Variants in GATAD1 observed in about 807,000 individuals in gnomAD.
GATAD1 encodes GATA zinc finger domain-containing protein 1.
Under a neutral mutation model 26.5 loss-of-function variants are expected in GATAD1, and 12 were observed. That is an observed-to-expected ratio of 0.45 (90% CI 0.29 to 0.73). The LOEUF is 0.73. Ranked by LOEUF, GATAD1 falls within the 30% of genes least tolerant of loss-of-function variation. The pLI, the probability that GATAD1 is intolerant of heterozygous loss-of-function variation, is 0.10. For missense variants in GATAD1, 266 were observed against 342.1 expected (o/e 0.78, Z 1.75); for synonymous variants, 129 against 133.1 (o/e 0.97, Z 0.21).
the GATAD1 span, chr7:92,491,505 A>G: frequency 9.6e-6 from 15 of 1,557,096 alleles, no homozygotes; most frequent in Middle Eastern, 5.0e-4. Flanking sequence ...CTTCCATCCT[A>G]AAATACACAA....
At chr7:92,492,869 T>C in the GATAD1 span, 16 of 1,044,226 alleles carry the variant, frequency 1.5e-5, no homozygotes, top group Middle Eastern at 2.0e-4. Context: ...GTTTAAAAAA[T>C]AGCATTTTTT....
chr7:92,468,539 A>G, the GATAD1 span: 1 of 394,542 alleles, frequency 2.5e-6, no homozygotes, highest in Admixed American at 4.2e-5. Flanking sequence ...ATGATTGGCT[A>G]TTTCTTTACC....
At chr7:92,492,934 A>G in the GATAD1 span, 1 of 1,595,994 alleles carries the variant, frequency 6.3e-7, no homozygotes, top group African/African-American at 1.3e-5. Flanking sequence ...TGTCATAACA[A>G]CTTCCTCATA....
At chr7:92,476,555 C>T in the GATAD1 span, among the ~76,000 whole-genome samples, 1 of 152,158 alleles carries the variant, frequency 6.6e-6, no homozygotes, top group South Asian at 2.1e-4. Context: ...GAATAGGGCA[C>T]ACTGTTTTTT....
the GATAD1 span, chr7:92,470,165 A>G: frequency 1.3e-6 from 1 of 778,706 alleles, no homozygotes; most frequent in African/African-American, 1.7e-5. Context: ...GCAGAGTGAT[A>G]GCAGTTGCGG....
At chr7:92,484,790 A>G in the GATAD1 span, among the ~76,000 whole-genome samples, 1 of 152,308 alleles carries the variant, frequency 6.6e-6, no homozygotes, top group South Asian at 2.1e-4. Flanking sequence ...GGGCAAGGAC[A>G]GGGGACTGGT....
chr7:92,469,083 T>C, the GATAD1 span: 1 of 703,062 alleles, frequency 1.4e-6, no homozygotes, highest in Non-Finnish European at 2.6e-6. Flanking sequence ...GTCCAGTGTT[T>C]CGAAGCTCCT....
chr7:92,493,242 T>G, the GATAD1 span: 1 of 625,864 alleles, frequency 1.6e-6, no homozygotes, highest in African/African-American at 1.9e-5. Context: ...TAAAAAGCTT[T>G]ATAAGTAAGT....
chr7:92,495,292 C>T, the GATAD1 span, among the ~76,000 whole-genome samples: 1 of 151,988 alleles, frequency 6.6e-6, no homozygotes, highest in African/African-American at 2.4e-5. Flanking sequence ...GCGAATAACA[C>T]CTAATATAAA....
chr7:92,469,498 G>A, the GATAD1 span: 1 of 769,174 alleles, frequency 1.3e-6, no homozygotes, highest in South Asian at 1.4e-5. Context: ...GGTCATAGGG[G>A]GCACTAAGAA....
At position 92,456,812 on chromosome 7, in the gene GATAD1, A is replaced by C; in HGVS notation, c.*250A>C. The stretch of plus-strand genomic sequence containing the variant: ...TCTCCTGCTACCTAGTAATAAACAA[A>C]TCATTGTTTATTACTGGTCACTTAG... On this transcript the variant is annotated 3_prime_UTR_variant, in exon 5 of 5. Coordinates refer to ENST00000287957, the MANE Select transcript of GATAD1 (RefSeq NM_021167.5). The C allele has an allele frequency of 1.5e-5, 6 of 389,328 alleles. No homozygotes were observed. Among genetic ancestry groups the C allele is most frequent in the East Asian group, 1.3e-4 (3 of 23,794 alleles). The allele number at this position is 389,328 out of a possible 1,614,324, so 24.1% of individuals were successfully genotyped here.
chr7:92,469,841 G>A, the GATAD1 span: 3 of 772,774 alleles, frequency 3.9e-6, no homozygotes, highest in Admixed American at 5.1e-5. Context: ...GTAGGGTTTT[G>A]GGCCGAGACC....
chr7:92,489,442 T>G, the GATAD1 span: 2 of 1,609,134 alleles, frequency 1.2e-6, no homozygotes, highest in Non-Finnish European at 1.7e-6. Context: ...AAAAAAGAAA[T>G]TGACGAAGAG....
chr7:92,469,052 A>G, the GATAD1 span: 3 of 707,914 alleles, frequency 4.2e-6, no homozygotes, highest in Non-Finnish European at 7.7e-6. Context: ...CAGGGCATCC[A>G]TTGGCTGAGG....
At chr7:92,449,069 A>C in intron 2 of GATAD1, 192 bp downstream of exon 2, 1 of 1,025,764 alleles carries the variant, frequency 9.7e-7, no homozygotes. Flanking sequence ...AGTTAATAAT[A>C]CTCTTTCCTT....
the GATAD1 span, chr7:92,489,240 A>G: frequency 8.7e-6 from 13 of 1,492,054 alleles, no homozygotes; most frequent in South Asian, 1.5e-4. Context: ...TAAGTGTAAT[A>G]CTATGTCACT....
the GATAD1 span, chr7:92,470,411 C>G: frequency 1.5e-5 from 10 of 656,788 alleles, no homozygotes; most frequent in Middle Eastern, 4.3e-4. Flanking sequence ...TACTTTCCTC[C>G]TGGTTGTTGT....
the GATAD1 span, among the ~76,000 whole-genome samples, chr7:92,482,817 T>C: frequency 7.2e-5 from 11 of 152,044 alleles, no homozygotes; most frequent in Non-Finnish European, 1.2e-4. Flanking sequence ...AAGAATGTTG[T>C]CCAAGTTGGC....
downstream of GATAD1, among the ~76,000 whole-genome samples, chr7:92,461,024 ATAG>A (rs1789903808): frequency 6.6e-6 from 1 of 152,204 alleles, no homozygotes; most frequent in Non-Finnish European, 1.5e-5. Flanking sequence ...TATTTTATAA[ATAG>A]TAGTTCTTAA....
Sources: gnomAD v4.1 joint callset for allele counts (sites outside exome capture counted in the v4.1 genomes callset) on GRCh38, gnomAD v4.1.1 for gene constraint, MANE v1.5 for transcripts, NCBI Gene and HGNC (gene_info 2026-07-23, HGNC 2026-07-21) for gene names.